Variants in NCF2 observed in about 807,000 individuals in gnomAD.
NCF2 encodes neutrophil cytosol factor 2.
In NCF2, 45 loss-of-function variants were observed where a neutral mutation model predicts 70.9. That is an observed-to-expected ratio of 0.63 (90% CI 0.50 to 0.81). The LOEUF is 0.81. Among genes scored for constraint, NCF2 ranks in the 40% least tolerant of loss-of-function variants. The pLI, the probability that NCF2 is intolerant of heterozygous loss-of-function variation, is 0.00. For synonymous variants in NCF2, 203 were observed against 233.6 expected (o/e 0.87, Z 1.19); for missense variants, 522 against 631.6 (o/e 0.83, Z 1.86).
At chr1:183,565,616 A>G (rs1385007120) in intron 10 of NCF2, 88 bp downstream of exon 10, 8 of 1,354,964 alleles carry the variant, frequency 5.9e-6, no homozygotes, top group Non-Finnish European at 8.4e-6. Context: ...AGAAACCAGA[A>G]TTTCCTGGAA....
chr1:183,561,482 A>T (rs1359745217), intron 13 of NCF2, among the ~76,000 whole-genome samples: 1 of 152,234 alleles, frequency 6.6e-6, no homozygotes, highest in East Asian at 1.9e-4. Context: ...CAATGAGATG[A>T]CATACAATAA....
At chr1:183,571,492 C>G (rs1672561604) in intron 5 of NCF2, among the ~76,000 whole-genome samples, 1 of 152,190 alleles carries the variant, frequency 6.6e-6, no homozygotes, top group Non-Finnish European at 1.5e-5. Flanking sequence ...CTGCCTCTCT[C>G]TAATTCCAAA....
intron 14 of NCF2, among the ~76,000 whole-genome samples, chr1:183,558,396 T>C (rs996457636): frequency 1.3e-5 from 2 of 148,670 alleles, no homozygotes; most frequent in South Asian, 2.2e-4. Context: ...GCCTCCTGAA[T>C]AGCTGGGATT....
the NCF2 span, among the ~76,000 whole-genome samples, chr1:183,599,314 G>A: frequency 6.6e-6 from 1 of 152,182 alleles, no homozygotes; most frequent in African/African-American, 2.4e-5. Context: ...CCAGGAGTTT[G>A]AGGCTGCAGT....
At chr1:183,573,376 A>G in intron 4 of NCF2, 84 bp from the exon 5 acceptor site, 1 of 1,216,046 alleles carries the variant, frequency 8.2e-7, no homozygotes, top group Non-Finnish European at 1.2e-6. Flanking sequence ...AATAGATGCA[A>G]GAATTCATTG....
rs1336192960 is a variant in NCF2, at chr1:183,557,897, CAG to C, written c.1469-1669_1469-1668del. On this transcript the variant is annotated intron_variant, in intron 14 of 14. Transcript: ENST00000367535. ...ACTACTCATATTTTTTTTTTTGAGA[CAG>C]AATCTCACTCTGTTGCCCAGACTGG... is the stretch of plus-strand genomic sequence containing the variant. 5.3e-5 allele frequency among the ~76,000 whole-genome samples: 8 copies of C among 151,630 alleles called. No homozygotes were observed. In the East Asian group the frequency reaches 9.7e-4, roughly 18 times the overall value.
intron 2 of NCF2, among the ~76,000 whole-genome samples, chr1:183,584,746 G>C (rs1673262573): frequency 6.6e-6 from 1 of 152,154 alleles, no homozygotes; most frequent in African/African-American, 2.4e-5. Context: ...GGGGTAAGGG[G>C]GAGTGAGAAA....
chr1:183,579,738 C>CAAAA (rs397982209), intron 2 of NCF2, among the ~76,000 whole-genome samples: 4 of 38,854 alleles, frequency 1.0e-4, no homozygotes, highest in Non-Finnish European at 2.2e-4. Context: ...GACTCTGTCT[C>CAAAA]AAAAAAAAAA....
In NCF2 at chr1:183,555,897, A is replaced by G. The variant is rs1445268674; in HGVS notation, c.*221T>C. ...CTTCCATCCACTTTTCCTCTCCCCT[A>G]ACTCCTCCATTCACCTGTCCCCATC... is the stretch of plus-strand genomic sequence containing the variant. On this transcript the variant is annotated 3_prime_UTR_variant, in exon 15 of 15. Coordinates refer to ENST00000367535, the MANE Select transcript of NCF2 (RefSeq NM_000433.4). 6 of 600,142 alleles carry G rather than the reference A, an allele frequency of 1.0e-5. No homozygotes were observed. Among genetic ancestry groups the G allele is most frequent in the Non-Finnish European group, 1.5e-5 (5 of 335,958 alleles). 37.2% of individuals were successfully genotyped at this position (600,142 alleles called of 1,614,324 possible).
At chr1:183,570,500 A>T (rs1672495547) in intron 6 of NCF2, among the ~76,000 whole-genome samples, 1 of 152,232 alleles carries the variant, frequency 6.6e-6, no homozygotes, top group East Asian at 1.9e-4. Context: ...CTTCAGAGAG[A>T]GGATCAGCAG....
chr1:183,583,790 G>A (rs1027881190), intron 2 of NCF2, among the ~76,000 whole-genome samples: 7 of 152,250 alleles, frequency 4.6e-5, no homozygotes, highest in Middle Eastern at 3.2e-3. Context: ...GCAGCAGCTG[G>A]ACCACATAGG....
chr1:183,564,168 A>G (rs1301897533), intron 10 of NCF2, 138 bp from the exon 11 acceptor site: 2 of 859,046 alleles, frequency 2.3e-6, no homozygotes, highest in Non-Finnish European at 3.9e-6. Flanking sequence ...GCAATTATTA[A>G]CCTTAGTAAA....
intron 7 of NCF2, chr1:183,567,596 A>G: frequency 1.7e-6 from 1 of 594,588 alleles, no homozygotes; most frequent in South Asian, 1.7e-5. Flanking sequence ...CTAGATAGTG[A>G]GGACTTACAA....
At chr1:183,583,176 C>A (rs1572173463) in intron 2 of NCF2, among the ~76,000 whole-genome samples, 2 of 152,132 alleles carry the variant, frequency 1.3e-5, no homozygotes, top group Non-Finnish European at 2.9e-5. Context: ...CCTCAGCGTC[C>A]CAAGTAGCTG....
chr1:183,600,434 G>A, the NCF2 span, among the ~76,000 whole-genome samples: 1 of 152,176 alleles, frequency 6.6e-6, no homozygotes, highest in African/African-American at 2.4e-5. Context: ...ATTGGCCAGA[G>A]CAGGAAACTG....
chr1:183,563,679 T>C, intron 11 of NCF2, 94 bp from the exon 12 acceptor site: 1 of 1,489,016 alleles, frequency 6.7e-7, no homozygotes, highest in East Asian at 2.3e-5. Context: ...GCACAGGGGG[T>C]ACCCAATACA....
intron 1 of NCF2, among the ~76,000 whole-genome samples, chr1:183,587,570 G>A (rs1205408577): frequency 8.4e-6 from 1 of 119,608 alleles, no homozygotes; most frequent in Non-Finnish European, 1.7e-5. Context: ...CTCCAGCCTG[G>A]GCAACAAAGT....
Position 183,581,292 on chromosome 1 carries a change from AAAAAAG to A in NCF2, c.258-3591_258-3586del, listed in dbSNP as rs1353964801. Among the ~76,000 whole-genome samples the A allele has an allele frequency of 4.5e-5, 6 of 133,550 alleles. No homozygotes were observed. The East Asian group carries it at 9.0e-4, about 20-fold the overall frequency. 87.6% of individuals were successfully genotyped at this position (133,550 alleles called of 152,430 possible). A position where few individuals can be genotyped will look rare whatever the true frequency, so the allele number is the denominator to read the frequency against. ...ATGAAATCCTGACTCAAAAAAAAAA[AAAAAAG>A]AAAGAAAGAAAGAAAGAAAAGAAAG... is the stretch of plus-strand genomic sequence containing the variant. On this transcript the variant is annotated intron_variant, in intron 2 of 14. Coordinates refer to ENST00000367535, the MANE Select transcript of NCF2 (RefSeq NM_000433.4).
intron 2 of NCF2, among the ~76,000 whole-genome samples, chr1:183,579,372 A>G (rs763692318): frequency 3.1e-4 from 47 of 152,226 alleles, no homozygotes; most frequent in Middle Eastern, 3.4e-3. Context: ...GTCACTTACT[A>G]TCTGGTGAGA....
Sources: allele counts gnomAD v4.1 joint callset (sites outside exome capture counted in the v4.1 genomes callset), GRCh38; gene constraint gnomAD v4.1.1; transcripts MANE v1.5; gene names NCBI Gene and HGNC (gene_info 2026-07-23, HGNC 2026-07-21).